The following CTNND2 variants were observed in gnomAD, a reference collection of about 807,000 sequenced individuals.
The protein encoded by CTNND2 is catenin delta 2.
In CTNND2, 22 loss-of-function variants were observed where a neutral mutation model predicts 144.4. The observed-to-expected ratio is 0.15, with a 90% CI of 0.11 to 0.22. The LOEUF (loss-of-function observed/expected upper bound fraction) is 0.22. CTNND2 is among the 10% of genes least tolerant of loss of function. The pLI is 1.00. For missense variants in CTNND2, 1,353 were observed against 1,618.8 expected (o/e 0.84, Z 2.82); for synonymous variants, 751 against 695.6 (o/e 1.08, Z -1.25).
chr5:11,485,345 C>CTGTGTGTGTGTGTGTG lies in CTNND2; in HGVS notation c.288-73292_288-73277dup, dbSNP rs375624492. ...CTTAACAGAGAGAGAGAGACAGAGA[C>CTGTGTGTGTGTGTGTG]TGTGTGTGTGTGTGTGTGTGTGTGT... On this transcript the variant is annotated intron_variant, in intron 3 of 21. Coordinates refer to ENST00000304623, the MANE Select transcript of CTNND2 (RefSeq NM_001332.4). Among the ~76,000 whole-genome samples, 97 of 148,822 alleles carry CTGTGTGTGTGTGTGTG rather than the reference C, an allele frequency of 6.5e-4. 1 individual carries two copies. Among genetic ancestry groups the CTGTGTGTGTGTGTGTG allele is most frequent in the African/African-American group, 2.3e-3 (91 of 40,074 alleles).
At chr5:11,442,840 T>TTATATAATATAATGATTATATTATAATTA (rs1561400475) in intron 3 of CTNND2, among the ~76,000 whole-genome samples, 6 of 143,130 alleles carry the variant, frequency 4.2e-5, no homozygotes, top group African/African-American at 1.6e-4. Context: ...TATTATAATT[T>TTATATAATATAATGATTATATTATAATTA]TATATAATAT....
At chr5:11,174,285 T>A (rs1760243975) in intron 11 of CTNND2, among the ~76,000 whole-genome samples, 1 of 152,158 alleles carries the variant, frequency 6.6e-6, no homozygotes, top group African/African-American at 2.4e-5. Flanking sequence ...TTAAATGGTA[T>A]TTAAAGCCAA....
In CTNND2 at chr5:11,581,763, T is replaced by C. The variant is rs116490416; in HGVS notation, c.175-16707A>G. ...CTTCATAAATTACCTATTTCTCATA[T>C]CTCAGGTTTCAAATTTGATTGTTAA... On this transcript the variant is annotated intron_variant, in intron 2 of 21. Coordinates refer to ENST00000304623, the MANE Select transcript of CTNND2 (RefSeq NM_001332.4). Among the ~76,000 whole-genome samples, 86 of 152,268 alleles carry C rather than the reference T, an allele frequency of 5.6e-4. 1 individual carries two copies. The highest frequency in any genetic ancestry group is 1.9e-3 in the African/African-American group (81 of 41,552).
Position 11,848,222 on chromosome 5 carries a change from T to C in CTNND2, c.37+55595A>G, listed in dbSNP as rs371663233. Among the ~76,000 whole-genome samples, 4 of 152,088 alleles carry C rather than the reference T, an allele frequency of 2.6e-5. No homozygotes were observed. The East Asian group carries it at 5.8e-4, about 22-fold the overall frequency. On this transcript the variant is annotated intron_variant, in intron 1 of 21. Coordinates refer to ENST00000304623, the MANE Select transcript of CTNND2 (RefSeq NM_001332.4). Reference sequence around the variant, plus strand: ...GCTACATTTTATGGGGAAAAAATTATAACCTGGTCTAAAAAAGTACGTCTT... The same window carrying C: ...GCTACATTTTATGGGGAAAAAATTACAACCTGGTCTAAAAAAGTACGTCTT...
chr5:11,403,276 C>A (rs1293399285), intron 5 of CTNND2, among the ~76,000 whole-genome samples: 1 of 152,086 alleles, frequency 6.6e-6, no homozygotes, highest in Non-Finnish European at 1.5e-5. Context: ...TTGTTCAACT[C>A]CCACTTATGA....
rs76640093 is a variant in CTNND2 at position 11,231,625 on chromosome 5, C to A, written c.1761+5066G>T. On this transcript the variant is annotated intron_variant, in intron 10 of 21. Coordinates refer to ENST00000304623, the MANE Select transcript of CTNND2 (RefSeq NM_001332.4). ...TATGTGGCAGAAGAAATTTCTAGGC[C>A]ACAAACCATCCAAGAGGAAGCAAAG... Among the ~76,000 whole-genome samples the A allele has an allele frequency of 8.2e-4, 125 of 152,186 alleles. No individual in the cohort carries two copies. The East Asian group carries it at 9.6e-3, about 12-fold the overall frequency.
At chr5:11,145,564 G>A (rs1757160780) in intron 12 of CTNND2, among the ~76,000 whole-genome samples, 1 of 152,128 alleles carries the variant, frequency 6.6e-6, no homozygotes, top group African/African-American at 2.4e-5. Flanking sequence ...CAACACCTAG[G>A]ACAGAGTCTA....
chr5:11,224,648 C>T (rs1372906527), intron 10 of CTNND2, among the ~76,000 whole-genome samples: 2 of 152,186 alleles, frequency 1.3e-5, no homozygotes, highest in Non-Finnish European at 2.9e-5. Flanking sequence ...CCGCTAGTAT[C>T]CTGGTGGCCA....
At chr5:11,023,759 T>A (rs975168526) in intron 16 of CTNND2, among the ~76,000 whole-genome samples, 3 of 152,226 alleles carry the variant, frequency 2.0e-5, no homozygotes, top group African/African-American at 7.2e-5. Flanking sequence ...ATTATTAATC[T>A]TACTATTCCC....
At chr5:11,263,937 G>T (rs1443821400) in intron 9 of CTNND2, among the ~76,000 whole-genome samples, 2 of 152,152 alleles carry the variant, frequency 1.3e-5, no homozygotes, top group East Asian at 3.8e-4. Flanking sequence ...CCCTGGACAA[G>T]GTCTTTCTTT....
intron 13 of CTNND2, among the ~76,000 whole-genome samples, chr5:11,112,991 A>T (rs1159399406): frequency 5.3e-5 from 8 of 152,090 alleles, no homozygotes; most frequent in Non-Finnish European, 1.2e-4. Flanking sequence ...AAATTCAAAA[A>T]TTAGCCAAGC....
intron 1 of CTNND2, among the ~76,000 whole-genome samples, chr5:11,824,093 CAAAAAAAAAAA>C (rs1189701479): frequency 1.7e-5 from 1 of 58,910 alleles, no homozygotes; most frequent in Non-Finnish European, 3.7e-5. Context: ...CAGAGTGTCT[CAAAAAAAAAAA>C]AAAAAAAAAC....
intron 8 of CTNND2, 24 bp downstream of exon 8, chr5:11,364,672 C>T: frequency 1.9e-6 from 3 of 1,583,910 alleles, no homozygotes; most frequent in Non-Finnish European, 2.6e-6. Flanking sequence ...GGACAGGCCA[C>T]CCAGTGGGGT....
intron 16 of CTNND2, among the ~76,000 whole-genome samples, chr5:11,062,157 G>C (rs1024692441): frequency 6.6e-5 from 10 of 152,202 alleles, no homozygotes; most frequent in African/African-American, 2.4e-4. Flanking sequence ...CCACATCTTG[G>C]AAGTTAGTAC....
chr5:11,716,565 T>C (rs1289049526), intron 2 of CTNND2, among the ~76,000 whole-genome samples: 1 of 152,258 alleles, frequency 6.6e-6, no homozygotes, highest in African/African-American at 2.4e-5. Context: ...ATTTTCTCTC[T>C]ATACAATTTC....
intron 2 of CTNND2, among the ~76,000 whole-genome samples, chr5:11,680,403 G>T (rs1441005387): frequency 2.0e-5 from 3 of 152,122 alleles, no homozygotes; most frequent in Non-Finnish European, 4.4e-5. Context: ...TGGTAGGAGT[G>T]GGGAGGGAGT....
intron 3 of CTNND2, among the ~76,000 whole-genome samples, chr5:11,520,077 G>A (rs1772580566): frequency 1.3e-5 from 2 of 149,708 alleles, no homozygotes; most frequent in African/African-American, 4.9e-5. Context: ...AACCCAGGAG[G>A]AAGAGGTTGC....
chr5:11,036,260 T>C (rs1014203747), intron 16 of CTNND2, among the ~76,000 whole-genome samples: 7 of 152,194 alleles, frequency 4.6e-5, no homozygotes, highest in Admixed American at 2.6e-4. Flanking sequence ...CTAGAGTTCC[T>C]AATAACTTCT....
At chr5:11,034,911 G>T (rs1161339109) in intron 16 of CTNND2, among the ~76,000 whole-genome samples, 2 of 151,342 alleles carry the variant, frequency 1.3e-5, no homozygotes, top group African/African-American at 2.4e-5. Flanking sequence ...TAGGGTACAT[G>T]TGCACAGTGT....
Sources: gnomAD v4.1 joint callset for allele counts (sites outside exome capture counted in the v4.1 genomes callset) on GRCh38, gnomAD v4.1.1 for gene constraint, MANE v1.5 for transcripts, NCBI Gene and HGNC (gene_info 2026-07-23, HGNC 2026-07-21) for gene names.